PPARG: variants seen among roughly 807,000 people sequenced by gnomAD.
PPARG encodes the protein peroxisome proliferator activated receptor gamma.
PPARG carries 17 observed loss-of-function variants against 39.2 expected under a neutral mutation model. The ratio of observed to expected loss-of-function variants is 0.43; its 90% CI spans 0.30 to 0.65. The LOEUF (loss-of-function observed/expected upper bound fraction) is 0.65, where lower values mean the gene tolerates loss of function less well. Ranked by LOEUF, PPARG falls within the 30% of genes least tolerant of loss-of-function variation. PPARG has a pLI of 0.13. For missense variants in PPARG, 406 were observed against 585.9 expected, an observed-to-expected ratio of 0.69 and a Z score of 3.17; for synonymous variants, 223 against 215.7, an observed-to-expected ratio of 1.03 and a Z score of -0.30.
intron 6 of PPARG, among the ~76,000 whole-genome samples, chr3:12,410,790 A>G (rs1168948536): frequency 6.6e-6 from 1 of 152,224 alleles, no homozygotes; most frequent in Non-Finnish European, 1.5e-5. Flanking sequence ...GAAATTTACA[A>G]TGGCCATCAA....
chr3:12,405,536 T>C (rs2050628585), intron 5 of PPARG, among the ~76,000 whole-genome samples: 1 of 152,268 alleles, frequency 6.6e-6, no homozygotes, highest in Non-Finnish European at 1.5e-5. Flanking sequence ...ACAAAGAAGG[T>C]GACCTTTGAA....
At chr3:12,330,301 TTA>T (rs2047818829) in intron 2 of PPARG, among the ~76,000 whole-genome samples, 1 of 114,518 alleles carries the variant, frequency 8.7e-6, no homozygotes, top group Non-Finnish European at 1.8e-5. Context: ...ACACCTTTTT[TTA>T]AAAAAAAAAA....
chr3:12,381,131 G>T (rs1469675976), intron 3 of PPARG, among the ~76,000 whole-genome samples, 191 bp from the exon 4 acceptor site: 3 of 152,076 alleles, frequency 2.0e-5, no homozygotes, highest in Non-Finnish European at 4.4e-5. Context: ...GCTTAGAGAT[G>T]TTATAACTTG....
At chr3:12,365,190 T>A (rs1308075851) in intron 2 of PPARG, among the ~76,000 whole-genome samples, 1 of 152,244 alleles carries the variant, frequency 6.6e-6, no homozygotes, top group Non-Finnish European at 1.5e-5. Flanking sequence ...CAGGCTATAA[T>A]GCTTGCCCAT....
chr3:12,417,877 CTTTTTTTTTTCTTTTTTTTTTTTCCTT>C (rs2051118205), intron 7 of PPARG, among the ~76,000 whole-genome samples: 8 of 64,652 alleles, frequency 1.2e-4, no homozygotes, highest in Admixed American at 6.3e-4. Flanking sequence ...TGACTTTTTT[CTTTTTTTTTTCTTTTTTTTTTTTCCTT>C]TTTTTTTTTT....
At chr3:12,432,272 G>A (rs2051686510) in intron 7 of PPARG, among the ~76,000 whole-genome samples, 1 of 152,120 alleles carries the variant, frequency 6.6e-6, no homozygotes, top group Non-Finnish European at 1.5e-5. Context: ...CTCTAAACCA[G>A]TATCACCTAC....
At chr3:12,407,666 A>T (rs911687530) in intron 6 of PPARG, among the ~76,000 whole-genome samples, 8 of 152,198 alleles carry the variant, frequency 5.3e-5, no homozygotes, top group African/African-American at 1.7e-4. Context: ...TCCCCTATTC[A>T]GATATATTGT....
rs574366427 is a variant in PPARG, at chr3:12,335,836, A to G, written c.-9+23383A>G. ...ATTAGAAGTAGAAGGCAATGTGGGG[A>G]AAAAAAAAAAAAACAAGAATGGCAG... On this transcript the variant is annotated intron_variant, in intron 2 of 7. Transcript: ENST00000651735. Among the ~76,000 whole-genome samples, 178 of 148,926 alleles carry G rather than the reference A, an allele frequency of 1.2e-3. 3 individuals are homozygous for G. The highest frequency in any genetic ancestry group is 3.6e-3 in the African/African-American group (147 of 41,178).
intron 5 of PPARG, chr3:12,399,491 G>T: frequency 2.3e-6 from 1 of 427,156 alleles, no homozygotes; most frequent in Non-Finnish European, 4.6e-6. Context: ...GGAGGCTGAG[G>T]TAGGAGCTTC....
intron 5 of PPARG, among the ~76,000 whole-genome samples, chr3:12,397,235 A>G (rs930088319): frequency 6.6e-6 from 1 of 151,868 alleles, no homozygotes; most frequent in African/African-American, 2.4e-5. Context: ...AAATCCAGAA[A>G]AAAAGATTTC....
intron 2 of PPARG, among the ~76,000 whole-genome samples, chr3:12,325,013 G>A (rs1419962171): frequency 1.2e-4 from 18 of 148,874 alleles, no homozygotes; most frequent in Admixed American, 1.0e-3. Flanking sequence ...GTGAGCGAGC[G>A]TGGTGGCTCA....
At chr3:12,426,677 G>A (rs2051459626) in intron 7 of PPARG, among the ~76,000 whole-genome samples, 1 of 152,154 alleles carries the variant, frequency 6.6e-6, no homozygotes, top group African/African-American at 2.4e-5. Context: ...AGAAGAAAAT[G>A]AGGCAAGTTT....
intron 5 of PPARG, among the ~76,000 whole-genome samples, chr3:12,393,839 A>G (rs188648215): frequency 7.9e-5 from 12 of 152,236 alleles, no homozygotes; most frequent in Admixed American, 7.9e-4. Context: ...TTTGAGAGTC[A>G]CTCATTGATT....
chr3:12,413,124 G>C (rs1362276297), intron 6 of PPARG, among the ~76,000 whole-genome samples: 3 of 152,174 alleles, frequency 2.0e-5, no homozygotes, highest in Non-Finnish European at 4.4e-5. Context: ...CAAATGTCAT[G>C]TTAAATTAAT....
intron 2 of PPARG, among the ~76,000 whole-genome samples, chr3:12,322,708 T>C (rs1043185660): frequency 5.3e-5 from 8 of 152,300 alleles, no homozygotes; most frequent in African/African-American, 1.4e-4. Flanking sequence ...CTGGGAGGTA[T>C]TGGGGATCTT....
intron 7 of PPARG, among the ~76,000 whole-genome samples, chr3:12,420,621 G>A (rs1018474169): frequency 7.8e-6 from 1 of 128,308 alleles, no homozygotes; most frequent in Non-Finnish European, 1.5e-5. Flanking sequence ...TCATCTAAGA[G>A]TGGGCGGGGG....
rs114858410 is a variant in PPARG at position 12,373,934 on chromosome 3, G to T, written c.-8-5770G>T. Among the ~76,000 whole-genome samples, 268 of 152,262 alleles carry T rather than the reference G, an allele frequency of 1.8e-3. 1 individual carries two copies. Among genetic ancestry groups the T allele is most frequent in the African/African-American group, 6.1e-3 (253 of 41,566 alleles). The stretch of plus-strand genomic sequence containing the variant: ...GGCATGAAGAGGTGAGGAGTAGGAA[G>T]AAGATACAGCAGCCTCAGTAACCTG... On this transcript the variant is annotated intron_variant, in intron 2 of 7. Coordinates refer to ENST00000651735, the MANE Select transcript of PPARG (RefSeq NM_138711.6).
intron 2 of PPARG, among the ~76,000 whole-genome samples, chr3:12,361,149 T>G (rs570946795): frequency 6.6e-6 from 1 of 152,348 alleles, no homozygotes; most frequent in South Asian, 2.1e-4. Flanking sequence ...CCTTTTCTGA[T>G]GTCTAAAAAG....
intron 1 of PPARG, among the ~76,000 whole-genome samples, chr3:12,307,661 A>G (rs1483717886): frequency 6.6e-6 from 1 of 152,204 alleles, no homozygotes; most frequent in Non-Finnish European, 1.5e-5. Context: ...TGAAGGAGAC[A>G]CTTTGGAGAG....
Sources: gnomAD v4.1 joint callset for allele counts (sites outside exome capture counted in the v4.1 genomes callset) on GRCh38, gnomAD v4.1.1 for gene constraint, MANE v1.5 for transcripts, NCBI Gene and HGNC (gene_info 2026-07-23, HGNC 2026-07-21) for gene names.